PRKN: variants seen among roughly 807,000 people sequenced by gnomAD.
PRKN encodes the protein parkin RBR E3 ubiquitin protein ligase, also known as E3 ubiquitin-protein ligase parkin.
A neutral mutation model predicts 59.5 loss-of-function variants in PRKN; 56 were observed. The ratio of observed to expected loss-of-function variants is 0.94; its 90% CI spans 0.76 to 1.18. PRKN has a LOEUF of 1.18. Ranked by LOEUF, PRKN falls within the 50% of genes most tolerant of loss-of-function variation. The pLI, the probability that PRKN is intolerant of heterozygous loss-of-function variation, is 0.00. For synonymous variants in PRKN, 250 were observed against 222.1 expected (o/e 1.13, Z -1.12); for missense variants, 657 against 596.4 (o/e 1.10, Z -1.06).
chr6:161,856,109 C>A (rs374053943), intron 6 of PRKN, among the ~76,000 whole-genome samples: 1 of 152,146 alleles, frequency 6.6e-6, no homozygotes, highest in African/African-American at 2.4e-5. Context: ...CCTGTAAACC[C>A]AGCACTTTGG....
intron 1 of PRKN, among the ~76,000 whole-genome samples, chr6:162,579,143 G>T (rs1037103644): frequency 6.6e-6 from 1 of 152,164 alleles, no homozygotes; most frequent in African/African-American, 2.4e-5. Context: ...ATCAAAGCCT[G>T]TCATTGCCAT....
rs1179657862 is a variant in PRKN at position 162,258,782 on chromosome 6, TGACTC to T, written c.412+3738_412+3742del. ...GGCACTGCTGTAAAAACTACTTCAATGACTCGTTCCAGTTCTTTGACGTCCTCTTA... is the reference window on the plus strand; with the variant it reads ...GGCACTGCTGTAAAAACTACTTCAATGTTCCAGTTCTTTGACGTCCTCTTA... On this transcript the variant is annotated intron_variant, in intron 3 of 11. Transcript: ENST00000366898. Among the ~76,000 whole-genome samples the T allele has an allele frequency of 3.9e-5, 6 of 152,298 alleles. No individual in the cohort carries two copies. In the East Asian group the frequency reaches 9.6e-4, roughly 24 times the overall value.
chr6:162,097,224 T>A (rs1384569070), intron 4 of PRKN, among the ~76,000 whole-genome samples: 3 of 152,178 alleles, frequency 2.0e-5, no homozygotes, highest in Non-Finnish European at 4.4e-5. Context: ...TGATTTTTTT[T>A]AGGAAAAAAG....
intron 6 of PRKN, among the ~76,000 whole-genome samples, chr6:161,953,303 G>T (rs1415931115): frequency 6.6e-6 from 1 of 152,086 alleles, no homozygotes; most frequent in Non-Finnish European, 1.5e-5. Context: ...TAAAGACGGG[G>T]TTTCACCATG....
intron 9 of PRKN, among the ~76,000 whole-genome samples, chr6:161,493,229 G>A (rs1188862750): frequency 6.6e-6 from 1 of 152,110 alleles, no homozygotes; most frequent in Non-Finnish European, 1.5e-5. Context: ...AATAATTAAA[G>A]TAGACAATCT....
chr6:161,744,893 G>A (rs1474572877), intron 7 of PRKN, among the ~76,000 whole-genome samples: 3 of 152,296 alleles, frequency 2.0e-5, no homozygotes, highest in Admixed American at 6.5e-5. Context: ...ATTACCACAT[G>A]CTTACCATTG....
intron 4 of PRKN, among the ~76,000 whole-genome samples, chr6:162,158,144 T>C (rs1445123344): frequency 1.3e-5 from 2 of 152,168 alleles, no homozygotes; most frequent in African/African-American, 2.4e-5. Context: ...TGTTAAATAA[T>C]GAAAATTTTA....
At chr6:162,422,771 C>G (rs1789037429) in intron 2 of PRKN, among the ~76,000 whole-genome samples, 1 of 151,842 alleles carries the variant, frequency 6.6e-6, no homozygotes, top group African/African-American at 2.4e-5. Context: ...ATGGTGAAAC[C>G]CTGTCTCTAC....
chr6:162,478,469 G>A (rs983914272), intron 1 of PRKN, among the ~76,000 whole-genome samples: 4 of 152,114 alleles, frequency 2.6e-5, no homozygotes, highest in African/African-American at 7.2e-5. Flanking sequence ...CAATGGTGAG[G>A]AGCCTCTCTC....
intron 1 of PRKN, among the ~76,000 whole-genome samples, chr6:162,675,830 G>C (rs1485726073): frequency 6.6e-6 from 1 of 152,012 alleles, no homozygotes; most frequent in East Asian, 1.9e-4. Context: ...ATTTTTAAAA[G>C]AGTAATATGA....
At chr6:161,432,959 T>C (rs1255674142) in intron 9 of PRKN, among the ~76,000 whole-genome samples, 1 of 152,208 alleles carries the variant, frequency 6.6e-6, no homozygotes, top group Non-Finnish European at 1.5e-5. Context: ...AAAACCTTTA[T>C]GGCATACTTC....
chr6:161,383,102 T>C (rs1786066876), intron 10 of PRKN, among the ~76,000 whole-genome samples: 2 of 152,236 alleles, frequency 1.3e-5, no homozygotes, highest in Non-Finnish European at 2.9e-5. Flanking sequence ...AATTGGGCTT[T>C]CATTGTGAGA....
At chr6:162,525,610 G>A (rs771184838) in intron 1 of PRKN, among the ~76,000 whole-genome samples, 1 of 152,072 alleles carries the variant, frequency 6.6e-6, no homozygotes, top group Non-Finnish European at 1.5e-5. Context: ...ACTATTTAAC[G>A]ACTGTGTGTT....
chr6:161,537,860 G>A lies in PRKN; in HGVS notation c.1083+10994C>T, dbSNP rs542359418. On this transcript the variant is annotated intron_variant, in intron 9 of 11. Transcript: ENST00000366898. ...ACTGGGTTTGTCTACATGGGGAGGCGGCCACGGGAAGAGTGAACACAGACT... is the reference window on the plus strand; with the variant it reads ...ACTGGGTTTGTCTACATGGGGAGGCAGCCACGGGAAGAGTGAACACAGACT... Among the ~76,000 whole-genome samples, 252 of 152,220 alleles carry A rather than the reference G, an allele frequency of 1.7e-3. 1 individual carries two copies. The highest frequency in any genetic ancestry group is 5.7e-3 in the African/African-American group (238 of 41,536).
At chr6:161,387,608 C>T (rs1786317121) in intron 9 of PRKN, among the ~76,000 whole-genome samples, 1 of 152,204 alleles carries the variant, frequency 6.6e-6, no homozygotes, top group African/African-American at 2.4e-5. Flanking sequence ...AAGACATTCC[C>T]TTTAATATTT....
At chr6:162,179,597 A>T (rs922228843) in intron 4 of PRKN, among the ~76,000 whole-genome samples, 175 of 152,294 alleles carry the variant, frequency 1.1e-3, no homozygotes, top group African/African-American at 3.9e-3. Flanking sequence ...GAAAAGGTCT[A>T]AAAGTCTGTC....
At chr6:162,382,981 T>G (rs1786576154) in intron 2 of PRKN, among the ~76,000 whole-genome samples, 1 of 152,176 alleles carries the variant, frequency 6.6e-6, no homozygotes, top group Non-Finnish European at 1.5e-5. Flanking sequence ...TGTTTTATTA[T>G]GAGATTGCAG....
chr6:161,989,990 C>A (rs1474557352), intron 5 of PRKN, among the ~76,000 whole-genome samples: 1 of 152,130 alleles, frequency 6.6e-6, no homozygotes, highest in African/African-American at 2.4e-5. Flanking sequence ...CTGGTGCCTG[C>A]ATATGCTGAC....
At chr6:161,558,085 G>A (rs776185485) in intron 8 of PRKN, among the ~76,000 whole-genome samples, 7 of 152,102 alleles carry the variant, frequency 4.6e-5, no homozygotes, top group Non-Finnish European at 7.4e-5. Context: ...TTTGCTGCTC[G>A]GTTAATTCTC....
Sources: gnomAD v4.1 joint callset for allele counts (sites outside exome capture counted in the v4.1 genomes callset) on GRCh38, gnomAD v4.1.1 for gene constraint, MANE v1.5 for transcripts, NCBI Gene and HGNC (gene_info 2026-07-23, HGNC 2026-07-21) for gene names.